Variants in CFAP299 observed in about 807,000 individuals in gnomAD.
CFAP299 encodes the protein cilia- and flagella-associated protein 299.
In CFAP299, 21 loss-of-function variants were observed where a neutral mutation model predicts 27.0. That is an observed-to-expected ratio of 0.78 (90% CI 0.55 to 1.12). The LOEUF is 1.12. Ranked by LOEUF, CFAP299 falls within the 50% of genes most tolerant of loss-of-function variation. The pLI is 0.00. For missense variants in CFAP299, 310 were observed against 276.6 expected, an observed-to-expected ratio of 1.12 and a Z score of -0.86; for synonymous variants, 104 against 98.1, an observed-to-expected ratio of 1.06 and a Z score of -0.36.
chr4:80,480,266 T>TA (rs1244489601), intron 2 of CFAP299, among the ~76,000 whole-genome samples: 1 of 146,972 alleles, frequency 6.8e-6, no homozygotes, highest in African/African-American at 2.7e-5. Flanking sequence ...TGAGGCATAA[T>TA]AAAATTTTTT....
intron 3 of CFAP299, 27 bp from the exon 4 acceptor site, chr4:80,869,966 G>C: frequency 6.3e-7 from 1 of 1,574,968 alleles, no homozygotes; most frequent in Non-Finnish European, 8.6e-7. Flanking sequence ...TTATATTTTT[G>C]TCTTATTCTC....
intron 3 of CFAP299, among the ~76,000 whole-genome samples, chr4:80,628,884 T>C (rs571168177): frequency 1.3e-5 from 2 of 152,190 alleles, no homozygotes; most frequent in Non-Finnish European, 2.9e-5. Flanking sequence ...TGTAAATTGA[T>C]GCAGCCATTA....
At chr4:80,717,336 A>G (rs1048813459) in intron 3 of CFAP299, among the ~76,000 whole-genome samples, 5 of 152,226 alleles carry the variant, frequency 3.3e-5, no homozygotes, top group Non-Finnish European at 5.9e-5. Flanking sequence ...CTGCTTTTAA[A>G]TAAGAGAAGA....
At chr4:80,387,857 G>T in intron 2 of CFAP299, 1 of 1,290,644 alleles carries the variant, frequency 7.7e-7, no homozygotes, top group Non-Finnish European at 1.1e-6. Context: ...TTAGCCCGTG[G>T]GGTCTTCAGC....
At chr4:80,830,298 T>C (rs1390394851) in intron 3 of CFAP299, among the ~76,000 whole-genome samples, 4 of 152,074 alleles carry the variant, frequency 2.6e-5, no homozygotes, top group South Asian at 2.1e-4. Context: ...AAATATGATA[T>C]GTATTATGAT....
chr4:80,639,509 A>G (rs749368079), intron 3 of CFAP299, among the ~76,000 whole-genome samples: 27 of 152,188 alleles, frequency 1.8e-4, no homozygotes, highest in Non-Finnish European at 2.6e-4. Context: ...TGACAGTTTT[A>G]AGACAGTGAC....
intron 3 of CFAP299, among the ~76,000 whole-genome samples, chr4:80,625,838 C>A (rs1401832521): frequency 6.6e-6 from 1 of 151,820 alleles, no homozygotes; most frequent in East Asian, 1.9e-4. Flanking sequence ...GAGGATATAA[C>A]AATTACAAAT....
chr4:80,444,743 A>G (rs1288379267), intron 2 of CFAP299, among the ~76,000 whole-genome samples: 1 of 152,212 alleles, frequency 6.6e-6, no homozygotes, highest in African/African-American at 2.4e-5. Flanking sequence ...TGAATAGGCA[A>G]CCTACAGATG....
chr4:80,616,186 A>G (rs1021628144), intron 3 of CFAP299, among the ~76,000 whole-genome samples: 7 of 152,080 alleles, frequency 4.6e-5, no homozygotes, highest in Admixed American at 3.3e-4. Flanking sequence ...CTGTGTATCT[A>G]TGGTGCCTAG....
chr4:80,403,183 C>A (rs2110052100), intron 2 of CFAP299, among the ~76,000 whole-genome samples: 1 of 152,310 alleles, frequency 6.6e-6, no homozygotes, highest in South Asian at 2.1e-4. Context: ...AAAACCGGAA[C>A]TCTGACTTAA....
intron 3 of CFAP299, among the ~76,000 whole-genome samples, chr4:80,730,356 C>T (rs553634336): frequency 6.6e-6 from 1 of 150,606 alleles, no homozygotes; most frequent in South Asian, 2.1e-4. Flanking sequence ...TCTATAAGCA[C>T]AGAACACTCT....
intron 1 of CFAP299, among the ~76,000 whole-genome samples, chr4:80,359,670 A>C (rs1302589923): frequency 6.6e-6 from 1 of 152,210 alleles, no homozygotes; most frequent in East Asian, 1.9e-4. Flanking sequence ...CAGCTCAATC[A>C]GGTTAGTTAC....
intron 2 of CFAP299, among the ~76,000 whole-genome samples, chr4:80,479,731 G>A (rs919048319): frequency 6.6e-6 from 1 of 151,906 alleles, no homozygotes; most frequent in Non-Finnish European, 1.5e-5. Context: ...TATGTAGAAT[G>A]CTTATTGTAA....
chr4:80,789,228 G>A (rs1405428297), intron 3 of CFAP299, among the ~76,000 whole-genome samples: 1 of 151,614 alleles, frequency 6.6e-6, no homozygotes, highest in Non-Finnish European at 1.5e-5. Context: ...CCTGCCTGGT[G>A]TGTAAGATGT....
At chr4:80,902,588 C>T (rs185486184) in intron 4 of CFAP299, among the ~76,000 whole-genome samples, 5,949 of 108,668 alleles carry the variant, frequency 0.055, 288 homozygotes, top group African/African-American at 0.24. Context: ...GTAATATATA[C>T]ACACACACAC....
intron 4 of CFAP299, among the ~76,000 whole-genome samples, chr4:80,902,376 A>G (rs966508407): frequency 2.9e-5 from 4 of 137,574 alleles, no homozygotes; most frequent in African/African-American, 1.1e-4. Flanking sequence ...TATAGATTAT[A>G]TATTTTATAA....
intron 3 of CFAP299, among the ~76,000 whole-genome samples, chr4:80,632,728 A>G (rs1413118367): frequency 2.0e-5 from 3 of 149,916 alleles, no homozygotes; most frequent in African/African-American, 4.9e-5. Context: ...TTTTTTTTGC[A>G]TGCATTCAAC....
chr4:80,602,074 A>G (rs1414112670), intron 3 of CFAP299, among the ~76,000 whole-genome samples: 1 of 152,212 alleles, frequency 6.6e-6, no homozygotes, highest in Non-Finnish European at 1.5e-5. Flanking sequence ...GTGGAGGGTA[A>G]GAAGAGTGAG....
rs573200052 is a variant in CFAP299, at chr4:80,604,610, C to T, written c.333+21427C>T. ...TTGGCAGTGAATACATGAGGTGCCTCGGCAGGTGGCCTGACAGCAGACCCT... is the reference window on the plus strand; with the variant it reads ...TTGGCAGTGAATACATGAGGTGCCTTGGCAGGTGGCCTGACAGCAGACCCT... On this transcript the variant is annotated intron_variant, in intron 3 of 5. Coordinates refer to ENST00000358105, the MANE Select transcript of CFAP299 (RefSeq NM_152770.3). 4.3e-4 allele frequency among the ~76,000 whole-genome samples: 65 copies of T among 152,218 alleles called. 1 individual carries two copies. The highest frequency in any genetic ancestry group is 1.5e-3 in the African/African-American group (63 of 41,544).
Sources: gnomAD v4.1 joint callset for allele counts (sites outside exome capture counted in the v4.1 genomes callset) on GRCh38, gnomAD v4.1.1 for gene constraint, MANE v1.5 for transcripts, NCBI Gene and HGNC (gene_info 2026-07-23, HGNC 2026-07-21) for gene names.